The following KIF1C variants were observed in gnomAD, a reference collection of about 807,000 sequenced individuals.
The protein encoded by KIF1C is kinesin-like protein KIF1C.
KIF1C carries 61 observed loss-of-function variants against 126.5 expected under a neutral mutation model. The ratio of observed to expected loss-of-function variants is 0.48; its 90% confidence interval spans 0.39 to 0.60. KIF1C has a LOEUF of 0.60. KIF1C is among the 20% of genes least tolerant of loss of function. KIF1C has a pLI of 0.00. For synonymous variants in KIF1C, 640 were observed against 580.6 expected (o/e 1.10, Z -1.47); for missense variants, 1,315 against 1,489.2 (o/e 0.88, Z 1.93).
At position 5,013,748 on chromosome 17, in the gene KIF1C, C is replaced by T. The variant is rs199636749; in HGVS notation, c.1571+16C>T. 2.2e-5 allele frequency: 36 copies of T among 1,606,426 alleles called. No individual in the cohort carries two copies. The East Asian group carries it at 2.9e-4, about 13-fold the overall frequency. ...GCGTCACCAGGTAGCGTGTACCCAG[C>T]GGCCTGGGGGGCAGCCTCTGCTTTT... On this transcript the variant is annotated intron_variant, in intron 17 of 22. Transcript: ENST00000320785.
At chr17:5,009,712 C>T (rs1242773050) in intron 16 of KIF1C, among the ~76,000 whole-genome samples, 2 of 149,190 alleles carry the variant, frequency 1.3e-5, no homozygotes, top group African/African-American at 2.5e-5. Flanking sequence ...GACATGAACC[C>T]GGGAGGCAGA....
intron 18 of KIF1C, among the ~76,000 whole-genome samples, chr17:5,018,943 G>A (rs1051874965): frequency 1.3e-5 from 2 of 152,042 alleles, no homozygotes; most frequent in African/African-American, 4.8e-5. Context: ...TGAAGAAAAG[G>A]TGGGGATAGA....
chr17:5,007,366 C>G (rs1286935136), intron 15 of KIF1C, 24 bp downstream of exon 15: 3 of 1,612,608 alleles, frequency 1.9e-6, no homozygotes, highest in South Asian at 2.2e-5. Flanking sequence ...CAGTTGGGGT[C>G]CTGGGTGGAG....
Position 4,998,063 on chromosome 17 carries a change from G to T in KIF1C, c.-242G>T, listed in dbSNP as rs1399381188. The T allele has an allele frequency of 6.6e-6, 1 of 151,044 alleles. No individual in the cohort carries two copies. Among genetic ancestry groups the T allele is most frequent in the African/African-American group, 2.4e-5 (1 of 41,264 alleles). The allele number at this position is 151,044 out of a possible 1,614,324, so 9.4% of individuals were successfully genotyped here. A position where few individuals can be genotyped will look rare whatever the true frequency, so the allele number is the denominator to read the frequency against. The stretch of plus-strand genomic sequence containing the variant: ...CCCGGCGAGGGGCGGGGGCAGCTCC[G>T]AACCGGCCCCAGATCCTTCCCGCTT... On this transcript the variant is annotated 5_prime_UTR_variant, in exon 1 of 23. Coordinates refer to ENST00000320785, the MANE Select transcript of KIF1C (RefSeq NM_006612.6).
chr17:5,027,371 C>G lies in KIF1C; in HGVS notation c.*3220C>G, dbSNP rs1975226759. 1 of 152,206 alleles carries G rather than the reference C, an allele frequency of 6.6e-6. No homozygotes were observed. The highest frequency in any genetic ancestry group is 6.5e-5 in the Admixed American group (1 of 15,280). The allele number at this position is 152,206 out of a possible 1,614,324, so 9.4% of individuals were successfully genotyped here. A position where few individuals can be genotyped will look rare whatever the true frequency, so the allele number is the denominator to read the frequency against. ...TTTCGAATTCCTGACCTCAGGTGAT[C>G]CACCCGCCTCTGCCTCCCAAAATGT... On this transcript the variant is annotated 3_prime_UTR_variant, in exon 23 of 23. Coordinates refer to ENST00000320785, the MANE Select transcript of KIF1C (RefSeq NM_006612.6).
chr17:5,001,943 C>T (rs1974604522), intron 5 of KIF1C, 116 bp from the exon 6 acceptor site: 1 of 906,092 alleles, frequency 1.1e-6, no homozygotes, highest in Non-Finnish European at 1.8e-6. Flanking sequence ...ACCCCTCCCT[C>T]AAGGCTGTAG....
chr17:5,024,064 G>A lies in KIF1C; in HGVS notation c.3225G>A (p.Gly1075=), dbSNP rs1051599086. The A allele has an allele frequency of 1.0e-5, 16 of 1,582,376 alleles. No homozygotes were observed. Among genetic ancestry groups the A allele is most frequent in the Non-Finnish European group, 1.2e-5 (14 of 1,164,726 alleles). The change falls in exon 23 of 23, where the codon GGG becomes GGA. Residue 1075 remains glycine (G), a synonymous_variant. Transcript: ENST00000320785. ...PQPYPAQRPP[G]PRYPPYTTPP... is the part of the protein sequence containing the mutation. ...CCTACCCAGCCCAGCGGCCCCCAGGGCCCCGCTACCCCCCATACACTACTC... is the reference window on the plus strand; with the variant it reads ...CCTACCCAGCCCAGCGGCCCCCAGGACCCCGCTACCCCCCATACACTACTC...
chr17:5,004,691 G>A, intron 12 of KIF1C, 46 bp downstream of exon 12: 1 of 1,602,792 alleles, frequency 6.2e-7, no homozygotes, highest in South Asian at 1.1e-5. Context: ...TAGGAAGAGT[G>A]CCAGGAGTTC....
rs1975153744 is a variant in KIF1C at position 5,024,043 on chromosome 17, C to G, written c.3204C>G (p.Tyr1068Ter). The G allele has an allele frequency of 1.9e-6, 3 of 1,587,566 alleles. No homozygotes were observed. Among genetic ancestry groups the G allele is most frequent in the Non-Finnish European group, 2.6e-6 (3 of 1,166,534 alleles). Residue 1068 changes from tyrosine to a stop codon, truncating the protein, a stop_gained, in exon 23 of 23, where the codon TAC becomes TAG. Coordinates refer to ENST00000320785, the MANE Select transcript of KIF1C (RefSeq NM_006612.6). LOFTEE classifies it high-confidence loss of function. Reference sequence around the variant, plus strand: ...CTTATCCCCAGCCACCCCAACCCTACCCAGCCCAGCGGCCCCCAGGGCCCC... The same window carrying G: ...CTTATCCCCAGCCACCCCAACCCTAGCCAGCCCAGCGGCCCCCAGGGCCCC... ...HNSYPQPPQP[Y>*]PAQRPPGPRY... is the part of the protein sequence containing the mutation.
rs185437503 is a variant in KIF1C at position 5,016,310 on chromosome 17, T to C, written c.1666+1473T>C. Among the ~76,000 whole-genome samples, 474 of 152,006 alleles carry C rather than the reference T, an allele frequency of 3.1e-3. 1 individual carries two copies. The highest frequency in any genetic ancestry group is 0.011 in the African/African-American group (444 of 41,472). ...GCGCCACCACACCCGGCTAATTTTGTATTTTTAGTAGAAACAGGGTTTCTC... is the reference window on the plus strand; with the variant it reads ...GCGCCACCACACCCGGCTAATTTTGCATTTTTAGTAGAAACAGGGTTTCTC... On this transcript the variant is annotated intron_variant, in intron 18 of 22. Coordinates refer to ENST00000320785, the MANE Select transcript of KIF1C (RefSeq NM_006612.6).
At chr17:5,019,099 C>T (rs1418254978) in intron 18 of KIF1C, 1 of 163,018 alleles carries the variant, frequency 6.1e-6, no homozygotes, top group Non-Finnish European at 1.5e-5. Context: ...CCTCTGCTCT[C>T]CTTGTTCTCC....
intron 16 of KIF1C, among the ~76,000 whole-genome samples, chr17:5,012,565 C>G (rs1399088880): frequency 6.6e-6 from 1 of 151,842 alleles, no homozygotes; most frequent in East Asian, 1.9e-4. Flanking sequence ...AAAGTAGGCT[C>G]AAGTCCAGCG....
chr17:5,006,728 A>G (rs527835816), intron 13 of KIF1C, among the ~76,000 whole-genome samples, 187 bp from the exon 14 acceptor site: 1 of 152,258 alleles, frequency 6.6e-6, no homozygotes, highest in African/African-American at 2.4e-5. Flanking sequence ...CTGGAGTTCA[A>G]GTAGAGAGAC....
At position 5,007,266 on chromosome 17, in the gene KIF1C, A is replaced by G; in HGVS notation, c.1339A>G (p.Thr447Ala). Reference protein sequence around the residue: ...PEEAMERLQETEKIIAELNET... With the variant: ...PEEAMERLQEAEKIIAELNET... The stretch of plus-strand genomic sequence containing the variant: ...CCTACCCACCTTACGCCCCCAGGAG[A>G]CAGAGAAGATTATAGCTGAGCTGAA... Residue 447 changes from threonine to alanine, a missense_variant, in exon 15 of 23, where the codon ACA (threonine) becomes GCA (alanine). Thr to Ala is a moderately conservative substitution (Grantham distance 58). Around this residue, in one of 2 missense-constraint regions of KIF1C, gnomAD observed 874 missense variants for 1,053.2 expected, o/e 0.83. Coordinates refer to ENST00000320785, the MANE Select transcript of KIF1C (RefSeq NM_006612.6). 3 of 1,607,602 alleles carry G rather than the reference A, an allele frequency of 1.9e-6. No individual in the cohort carries two copies. The highest frequency in any genetic ancestry group is 2.5e-6 in the Non-Finnish European group (3 of 1,176,926).
At chr17:5,016,263 G>T (rs1024678878) in intron 18 of KIF1C, among the ~76,000 whole-genome samples, 3 of 151,366 alleles carry the variant, frequency 2.0e-5, no homozygotes, top group Non-Finnish European at 2.9e-5. Context: ...TCAGCCTCCC[G>T]AGTAGCTGGG....
In KIF1C at chr17:5,023,693, C is replaced by T. The variant is rs1285766718; in HGVS notation, c.2854C>T (p.Leu952=). The part of the protein sequence containing the change: ...LKQEQLRLQG[L]QGSGGRGGGL... ...GCAGGAGCAGCTACGGCTGCAGGGA[C>T]TGCAGGGCTCTGGGGGCCGGGGCGG... is the stretch of plus-strand genomic sequence containing the variant. Residue 952 remains leucine (L), a synonymous_variant, in exon 23 of 23, where the codon CTG becomes TTG. Coordinates refer to ENST00000320785, the MANE Select transcript of KIF1C (RefSeq NM_006612.6). This position sits in a 1 kb window ranked among gnomAD's most constrained non-coding sequence, Gnocchi z 4.2. The T allele has an allele frequency of 6.3e-7, 1 of 1,591,474 alleles. No individual in the cohort carries two copies. The highest frequency in any genetic ancestry group is 1.1e-5 in the South Asian group (1 of 88,426).
At chr17:5,017,727 C>T (rs1975004723) in intron 18 of KIF1C, among the ~76,000 whole-genome samples, 1 of 151,686 alleles carries the variant, frequency 6.6e-6, no homozygotes, top group South Asian at 2.1e-4. Flanking sequence ...TGTGCGTCCG[C>T]ATTTTCTCAC....
chr17:5,006,917 C>T lies in KIF1C; in HGVS notation c.1168C>T (p.Leu390=). 6.2e-7 allele frequency: 1 copy of T among 1,611,606 alleles called. No homozygotes were observed. The highest frequency in any genetic ancestry group is 1.1e-5 in the South Asian group (1 of 90,796). ...TTTTTCCTCTTTCTCCCTCCCAGGC[C>T]TGAAGACGGAAGAAGGGAGTGTCAG... ...QGLSASALEG[L]KTEEGSVRGA... Residue 390 remains leucine (L), a splice_region_variant and synonymous_variant, in exon 14 of 23, where the codon CTG becomes TTG. Transcript: ENST00000320785.
Position 5,023,083 on chromosome 17 carries a change from C to G in KIF1C, c.2628+374C>G, listed in dbSNP as rs1429310891. Among the ~76,000 whole-genome samples, 1 of 152,186 alleles carries G rather than the reference C, an allele frequency of 6.6e-6. No homozygotes were observed. Among genetic ancestry groups the G allele is most frequent in the Non-Finnish European group, 1.5e-5 (1 of 68,028 alleles). ...AGTCTGGAGTGCAGTGGCACAATCT[C>G]GGCTCACTGCAACTTCCGCCTCCCA... On this transcript the variant is annotated intron_variant, in intron 22 of 22. Coordinates refer to ENST00000320785, the MANE Select transcript of KIF1C (RefSeq NM_006612.6). The surrounding 1 kb of genome is among the most constrained non-coding windows in gnomAD (Gnocchi z 4.2).
Sources: allele counts gnomAD v4.1 joint callset (sites outside exome capture counted in the v4.1 genomes callset), GRCh38; gene constraint gnomAD v4.1.1; regional missense constraint gnomAD v4.1.1; non-coding constraint Gnocchi (gnomAD v3.1); transcripts MANE v1.5; gene names NCBI Gene and HGNC (gene_info 2026-07-23, HGNC 2026-07-21).